The following BLOC1S5 variants were observed in gnomAD, a reference collection of about 807,000 sequenced individuals.
BLOC1S5 encodes the protein biogenesis of lysosomal organelles complex 1 subunit 5.
Under a neutral mutation model 24.3 loss-of-function variants are expected in BLOC1S5, and 27 were observed. That is an observed-to-expected ratio of 1.11 (90% CI 0.82 to 1.53). The LOEUF (loss-of-function observed/expected upper bound fraction) is 1.53. BLOC1S5 is among the 40% of genes most tolerant of loss of function. The pLI is 0.00. For missense variants in BLOC1S5, 239 were observed against 229.4 expected (o/e 1.04, Z -0.27); for synonymous variants, 84 against 74.5 (o/e 1.13, Z -0.66).
intron 2 of BLOC1S5, among the ~76,000 whole-genome samples, chr6:8,045,030 C>T (rs1763832388): frequency 6.6e-6 from 1 of 152,224 alleles, no homozygotes; most frequent in African/African-American, 2.4e-5. Context: ...AAAATGTCTC[C>T]AGAGCATGTC....
At chr6:8,051,870 T>C (rs1362471114) in intron 2 of BLOC1S5, among the ~76,000 whole-genome samples, 1 of 151,782 alleles carries the variant, frequency 6.6e-6, no homozygotes, top group Non-Finnish European at 1.5e-5. Context: ...AAGACTCCTC[T>C]CAAAATATCA....
At chr6:8,022,115 C>T (rs1375797593) in intron 4 of BLOC1S5, among the ~76,000 whole-genome samples, 2 of 151,750 alleles carry the variant, frequency 1.3e-5, no homozygotes, top group Non-Finnish European at 2.9e-5. Context: ...AAAATAAAAC[C>T]ACACTTCTGC....
intron 4 of BLOC1S5, among the ~76,000 whole-genome samples, chr6:8,021,045 T>A (rs933235051): frequency 1.1e-4 from 16 of 152,116 alleles, no homozygotes; most frequent in African/African-American, 2.4e-4. Context: ...AGTCTACACA[T>A]ACAATGGAAT....
At chr6:8,044,622 T>C (rs1349787005) in intron 2 of BLOC1S5, among the ~76,000 whole-genome samples, 1 of 152,170 alleles carries the variant, frequency 6.6e-6, no homozygotes, top group Non-Finnish European at 1.5e-5. Context: ...AAAATGCTGA[T>C]GGTGATATGA....
At chr6:8,022,549 T>C (rs1446559865) in intron 4 of BLOC1S5, among the ~76,000 whole-genome samples, 1 of 151,482 alleles carries the variant, frequency 6.6e-6, no homozygotes, top group Non-Finnish European at 1.5e-5. Flanking sequence ...ACCTATATGT[T>C]ACTCTATTTT....
chr6:8,049,814 C>T (rs966611593), intron 2 of BLOC1S5, among the ~76,000 whole-genome samples: 11 of 151,940 alleles, frequency 7.2e-5, no homozygotes, highest in African/African-American at 2.4e-4. Flanking sequence ...TGGGCTCAAG[C>T]GATCCTCCCG....
intron 3 of BLOC1S5, among the ~76,000 whole-genome samples, chr6:8,027,037 A>C (rs185091944): frequency 2.7e-4 from 41 of 152,360 alleles, no homozygotes; most frequent in African/African-American, 9.6e-4. Context: ...TAATAAGTAC[A>C]GGAAACAGGA....
intron 2 of BLOC1S5, among the ~76,000 whole-genome samples, chr6:8,060,920 G>A (rs1014332363): frequency 2.6e-5 from 4 of 152,126 alleles, no homozygotes; most frequent in Non-Finnish European, 4.4e-5. Flanking sequence ...CACCTCCTGG[G>A]TTCAAGAGAT....
chr6:8,021,880 C>T (rs11759693), intron 4 of BLOC1S5, among the ~76,000 whole-genome samples: 19,096 of 152,022 alleles, frequency 0.13, 1,501 homozygotes, highest in South Asian at 0.28. Context: ...AACCTATAAC[C>T]ACATACCAAA....
At chr6:8,020,504 A>G (rs570627413) in intron 4 of BLOC1S5, among the ~76,000 whole-genome samples, 1 of 152,226 alleles carries the variant, frequency 6.6e-6, no homozygotes, top group Non-Finnish European at 1.5e-5. Context: ...TAAGCTAGTT[A>G]CCTCCAGATT....
chr6:8,027,717 C>T (rs1413202193), intron 3 of BLOC1S5, among the ~76,000 whole-genome samples: 1 of 151,774 alleles, frequency 6.6e-6, no homozygotes, highest in African/African-American at 2.4e-5. Flanking sequence ...GCCTGTAGTC[C>T]CAGCTACTCG....
intron 2 of BLOC1S5, among the ~76,000 whole-genome samples, chr6:8,043,639 T>C (rs1460905520): frequency 6.6e-6 from 1 of 152,204 alleles, no homozygotes; most frequent in East Asian, 1.9e-4. Context: ...GGGACTGTAA[T>C]AGAAAAACTG....
rs1272533622 is a variant in BLOC1S5 at position 8,014,996 on chromosome 6, AAACTT to A, written c.*648_*652del. 3 of 152,696 alleles carry A rather than the reference AAACTT, an allele frequency of 2.0e-5. No homozygotes were observed. The highest frequency in any genetic ancestry group is 7.2e-5 in the African/African-American group (3 of 41,466). 9.5% of individuals were successfully genotyped at this position (152,696 alleles called of 1,614,324 possible). A position where few individuals can be genotyped will look rare whatever the true frequency, so the allele number is the denominator to read the frequency against. On this transcript the variant is annotated 3_prime_UTR_variant, in exon 5 of 5. Coordinates refer to ENST00000397457, the MANE Select transcript of BLOC1S5 (RefSeq NM_201280.3). ...AAATAGTAAGTGCTGGAAGGCCACA[AAACTT>A]AACATGTGTCTTCCCATCCACGGAA... is the stretch of plus-strand genomic sequence containing the variant.
intron 2 of BLOC1S5, among the ~76,000 whole-genome samples, chr6:8,049,942 G>T (rs1369745257): frequency 6.6e-6 from 1 of 152,070 alleles, no homozygotes; most frequent in East Asian, 1.9e-4. Flanking sequence ...AAGCTCCTGA[G>T]CTCAAGCGAT....
intron 2 of BLOC1S5, among the ~76,000 whole-genome samples, chr6:8,042,542 G>A (rs534920140): frequency 3.3e-4 from 50 of 152,374 alleles, no homozygotes; most frequent in Middle Eastern, 3.4e-3. Context: ...TCCAACCCAC[G>A]GCAGACGGGC....
At position 8,013,931 on chromosome 6, in the gene BLOC1S5, G is replaced by C. The variant is rs980044269; in HGVS notation, c.*1718C>G. On this transcript the variant is annotated 3_prime_UTR_variant, in exon 5 of 5. Transcript: ENST00000397457. ...CCTGTCAAGCCTACAGTAGCGGATA[G>C]AGAAAGTTGGCAGAAGTTCAGTGTT... 2.0e-5 allele frequency: 3 copies of C among 152,178 alleles called. No individual in the cohort carries two copies. Among genetic ancestry groups the C allele is most frequent in the Non-Finnish European group, 4.4e-5 (3 of 68,034 alleles). The allele number at this position is 152,178 out of a possible 1,614,324, so 9.4% of individuals were successfully genotyped here. A position where few individuals can be genotyped will look rare whatever the true frequency, so the allele number is the denominator to read the frequency against.
chr6:8,044,283 C>CAAAAA (rs1175141654), intron 2 of BLOC1S5, among the ~76,000 whole-genome samples: 27 of 88,736 alleles, frequency 3.0e-4, no homozygotes, highest in East Asian at 1.1e-3. Context: ...GACTCTGTCT[C>CAAAAA]AAAAAAAAAA....
chr6:8,064,352 G>A lies in BLOC1S5; in HGVS notation c.25C>T (p.Pro9Ser), dbSNP rs140675160. ...CCCGGGGCGGCCTCACAACCCACAG[G>A]GGTCTCTGTCCCTCCGCCACTCATC... MSGGGTETPVGCEAAPGGG... is the reference protein window; with the variant it reads MSGGGTETSVGCEAAPGGG... The change falls in exon 1 of 5, where the codon CCT (proline) becomes TCT (serine). Residue 9 changes from proline to serine, a missense_variant. Coordinates refer to ENST00000397457, the MANE Select transcript of BLOC1S5 (RefSeq NM_201280.3). 6.1e-5 allele frequency: 99 copies of A among 1,611,900 alleles called. No individual in the cohort carries two copies. In the African/African-American group the frequency reaches 1.2e-3, roughly 20 times the overall value.
chr6:8,060,928 G>A (rs976835509), intron 2 of BLOC1S5, among the ~76,000 whole-genome samples: 5 of 152,110 alleles, frequency 3.3e-5, no homozygotes, highest in African/African-American at 4.8e-5. Context: ...GGGTTCAAGA[G>A]ATTCTCCTGC....
Sources: allele counts gnomAD v4.1 joint callset (sites outside exome capture counted in the v4.1 genomes callset), GRCh38; gene constraint gnomAD v4.1.1; transcripts MANE v1.5; gene names NCBI Gene and HGNC (gene_info 2026-07-23, HGNC 2026-07-21).